The following PDCL variants were observed in gnomAD, a reference collection of about 807,000 sequenced individuals.
PDCL encodes phosducin-like protein.
In PDCL, 11 loss-of-function variants were observed where a neutral mutation model predicts 26.7. That is an observed-to-expected ratio of 0.41 (90% CI 0.26 to 0.68). The LOEUF is 0.68. Ranked by LOEUF, PDCL falls within the 30% of genes least tolerant of loss-of-function variation. The probability of loss-of-function intolerance (pLI) is 0.30; values close to 1 mark genes in which losing one functional copy is unlikely to be tolerated. For missense variants in PDCL, 330 were observed against 371.6 expected (o/e 0.89, Z 0.92); for synonymous variants, 118 against 134.9 (o/e 0.87, Z 0.87).
Position 122,820,025 on chromosome 9 carries a change from T to C in PDCL, c.*60A>G, listed in dbSNP as rs1829531717. The C allele has an allele frequency of 7.2e-7, 1 of 1,389,244 alleles. No individual in the cohort carries two copies. Among genetic ancestry groups the C allele is most frequent in the Non-Finnish European group, 9.8e-7 (1 of 1,020,690 alleles). 86.1% of individuals were successfully genotyped at this position (1,389,244 alleles called of 1,614,324 possible). On this transcript the variant is annotated 3_prime_UTR_variant, in exon 4 of 4. Transcript: ENST00000259467. The stretch of plus-strand genomic sequence containing the variant: ...AAGCCAGAAGACAAAGGAACAAAAA[T>C]AAACAATGACGTGTATTCCAACCCA...
chr9:122,820,093 T>C lies in PDCL; in HGVS notation c.898A>G (p.Ile300Val). Reference protein sequence around the residue: ...TCHSEDSDLEID With the variant: ...TCHSEDSDLEVD ...GCAACTAGACTATCAGTTCAATCTA[T>C]TTCCAGGTCGCTATCCTCACTGTGA... Residue 300 changes from isoleucine to valine, a missense_variant, in exon 4 of 4, where the codon ATA (isoleucine) becomes GTA (valine). By Grantham distance (29) the Ile-to-Val change is conservative (BLOSUM62 3). Coordinates refer to ENST00000259467, the MANE Select transcript of PDCL (RefSeq NM_005388.5). 1.2e-6 allele frequency: 2 copies of C among 1,600,644 alleles called. No homozygotes were observed. Among genetic ancestry groups the C allele is most frequent in the South Asian group, 1.1e-5 (1 of 89,062 alleles).
rs1175407364 is a variant in PDCL at position 122,826,738 on chromosome 9, T to C, written c.50A>G (p.Tyr17Cys). Residue 17 changes from tyrosine to cysteine, a missense_variant, in exon 2 of 4, where the codon TAT becomes TGT. Physicochemically the swap from Tyr to Cys is radical, Grantham distance 194. Coordinates refer to ENST00000259467, the MANE Select transcript of PDCL (RefSeq NM_005388.5). ...KLLGEKLQYY[Y>C]SSSEDEDSDH... ...ACTGTCCTCATCCTCACTGCTGCTA[T>C]AGTAGTACTGCAGTTTCTCCCCCAG... The C allele has an allele frequency of 4.3e-6, 7 of 1,614,112 alleles. No homozygotes were observed. In the South Asian group the frequency reaches 5.5e-5, roughly 13 times the overall value.
intron 3 of PDCL, 145 bp from the exon 4 acceptor site, chr9:122,820,781 C>G (rs1297736692): frequency 4.0e-6 from 2 of 494,686 alleles, no homozygotes; most frequent in Non-Finnish European, 3.6e-6. Flanking sequence ...GTCAGGAGTT[C>G]AAGACCAGCC....
At position 122,822,390 on chromosome 9, in the gene PDCL, A is replaced by T. The variant is rs76909132; in HGVS notation, c.354+626T>A. Among the ~76,000 whole-genome samples, 6 of 129,256 alleles carry T rather than the reference A, an allele frequency of 4.6e-5. 1 individual carries two copies. The South Asian group carries it at 7.0e-4, about 15-fold the overall frequency. The allele number at this position is 129,256 out of a possible 152,430, so 84.8% of individuals were successfully genotyped here. A position where few individuals can be genotyped will look rare whatever the true frequency, so the allele number is the denominator to read the frequency against. On this transcript the variant is annotated intron_variant, in intron 3 of 3. Coordinates refer to ENST00000259467, the MANE Select transcript of PDCL (RefSeq NM_005388.5). ...GGGCAACATAGACCCTGTCTCTATT[A>T]AAAAAAAAAAAAAAAAGGCCATCAG...
In PDCL at chr9:122,820,485, C is replaced by T. The variant is rs750846814; in HGVS notation, c.506G>A (p.Gly169Glu). Residue 169 changes from glycine to glutamate, a missense_variant, in exon 4 of 4, where the codon GGG (glycine) becomes GAG (glutamate). Coordinates refer to ENST00000259467, the MANE Select transcript of PDCL (RefSeq NM_005388.5). ...TTCTTTATCAATCATGTCTAAAAAC[C>T]CTTCTCCACTGGAGATCTCAAAAAC... ...KQVFEISSGEGFLDMIDKEQK... is the reference protein window; with the variant it reads ...KQVFEISSGEEFLDMIDKEQK... The T allele has an allele frequency of 1.9e-6, 3 of 1,614,068 alleles. No individual in the cohort carries two copies. The highest frequency in any genetic ancestry group is 2.2e-5 in the East Asian group (1 of 44,886).
chr9:122,824,036 C>T (rs1255905569), intron 2 of PDCL, among the ~76,000 whole-genome samples: 5 of 152,274 alleles, frequency 3.3e-5, no homozygotes, highest in African/African-American at 9.6e-5. Flanking sequence ...TCCCAAAGTG[C>T]TATGGGATGA....
chr9:122,821,626 C>A (rs552830426), intron 3 of PDCL, among the ~76,000 whole-genome samples: 1 of 152,066 alleles, frequency 6.6e-6, no homozygotes, highest in African/African-American at 2.4e-5. Context: ...AATCACTTCC[C>A]TAATTCTGCC....
At chr9:122,824,160 T>C (rs1210708151) in intron 2 of PDCL, among the ~76,000 whole-genome samples, 1 of 152,226 alleles carries the variant, frequency 6.6e-6, no homozygotes, top group Non-Finnish European at 1.5e-5. Flanking sequence ...TCAAGCCCTG[T>C]GCTGCCGAAG....
At position 122,826,661 on chromosome 9, in the gene PDCL, G is replaced by C. The variant is rs150213570; in HGVS notation, c.127C>G (p.Pro43Ala). The change falls in exon 2 of 4, where the codon CCT (proline) becomes GCT (alanine). Residue 43 changes from proline (P) to alanine (A), a missense_variant. Pro to Ala is a conservative substitution (Grantham distance 27, BLOSUM62 -1). Transcript: ENST00000259467. ...TCGCCTGCCAGCTCAGCCTCTGCAGGCACAGAACTGCTGGCTGGGGCACAT... is the reference window on the plus strand; with the variant it reads ...TCGCCTGCCAGCTCAGCCTCTGCAGCCACAGAACTGCTGGCTGGGGCACAT... The part of the protein sequence containing the change: ...GRCAPASSSV[P>A]AEAELAGEGI... 935 of 1,614,108 alleles carry C rather than the reference G, an allele frequency of 5.8e-4. 5 individuals are homozygous for C. The Admixed American group carries it at 0.012, about 20-fold the overall frequency.
chr9:122,827,700 C>T (rs1436629490), intron 1 of PDCL, among the ~76,000 whole-genome samples: 1 of 152,034 alleles, frequency 6.6e-6, no homozygotes, highest in Non-Finnish European at 1.5e-5. Flanking sequence ...CCACTGCACT[C>T]CAGCCTGGGA....
At position 122,819,120 on chromosome 9, in the gene PDCL, T is replaced by C. The variant is rs1829521862; in HGVS notation, c.*965A>G. On this transcript the variant is annotated 3_prime_UTR_variant, in exon 4 of 4. Transcript: ENST00000259467. ...TCGTTTTGTTTAAAAACAAACAAAA[T>C]ATCCATGTATACACAGAAAACACCT... 1 of 152,088 alleles carries C rather than the reference T, an allele frequency of 6.6e-6. No individual in the cohort carries two copies. Among genetic ancestry groups the C allele is most frequent in the Non-Finnish European group, 1.5e-5 (1 of 67,982 alleles). 9.4% of individuals were successfully genotyped at this position (152,088 alleles called of 1,614,324 possible). A position where few individuals can be genotyped will look rare whatever the true frequency, so the allele number is the denominator to read the frequency against.
At chr9:122,825,408 C>A (rs762640461) in intron 2 of PDCL, among the ~76,000 whole-genome samples, 8 of 152,166 alleles carry the variant, frequency 5.3e-5, no homozygotes, top group Non-Finnish European at 7.3e-5. Context: ...GCAGTCCACC[C>A]GCCTCAACCT....
In PDCL at chr9:122,826,604, G is replaced by T; in HGVS notation, c.172+12C>A. The stretch of plus-strand genomic sequence containing the variant: ...TTTAAGCCTGTTCCCAGAGCCCAGG[G>T]TTTCTCAGTACCTGTGTTAACTGAG... On this transcript the variant is annotated intron_variant, in intron 2 of 3. Transcript: ENST00000259467. 6.2e-7 allele frequency: 1 copy of T among 1,610,206 alleles called. No homozygotes were observed. The highest frequency in any genetic ancestry group is 8.5e-7 in the Non-Finnish European group (1 of 1,177,910).
chr9:122,820,074 A>G lies in PDCL; in HGVS notation c.*11T>C, dbSNP rs1225054234. ...CAAACAATGAGAAATCTATGCAACT[A>G]GACTATCAGTTCAATCTATTTCCAG... is the stretch of plus-strand genomic sequence containing the variant. On this transcript the variant is annotated 3_prime_UTR_variant, in exon 4 of 4. Transcript: ENST00000259467. The G allele has an allele frequency of 3.2e-6, 5 of 1,573,144 alleles. No homozygotes were observed. The highest frequency in any genetic ancestry group is 2.6e-6 in the Non-Finnish European group (3 of 1,159,730).
chr9:122,820,343 C>T lies in PDCL; in HGVS notation c.648G>A (p.Lys216=), dbSNP rs758668650. 18 of 1,614,196 alleles carry T rather than the reference C, an allele frequency of 1.1e-5. No homozygotes were observed. Among genetic ancestry groups the T allele is most frequent in the Non-Finnish European group, 1.5e-5 (18 of 1,180,036 alleles). The part of the protein sequence containing the change: ...AAEYPAVKFC[K]VKSSVIGASS... ...TGGCGCCAATAACTGAGCTCTTCAC[C>T]TTGCAGAACTTGACAGCTGGGTACT... is the stretch of plus-strand genomic sequence containing the variant. Residue 216 remains lysine, a synonymous_variant, in exon 4 of 4, where the codon AAG becomes AAA. Transcript: ENST00000259467.
At chr9:122,821,498 G>A (rs1351473098) in intron 3 of PDCL, among the ~76,000 whole-genome samples, 1 of 152,120 alleles carries the variant, frequency 6.6e-6, no homozygotes, top group Non-Finnish European at 1.5e-5. Flanking sequence ...TTTTATAGCA[G>A]CAGCTGTGGG....
At chr9:122,821,145 T>C (rs1829550454) in intron 3 of PDCL, among the ~76,000 whole-genome samples, 1 of 152,136 alleles carries the variant, frequency 6.6e-6, no homozygotes, top group Admixed American at 6.5e-5. Flanking sequence ...ACTTTATAAA[T>C]GAGGTTCCAA....
chr9:122,821,929 C>T (rs1052525303), intron 3 of PDCL, among the ~76,000 whole-genome samples: 2 of 152,032 alleles, frequency 1.3e-5, no homozygotes, highest in East Asian at 1.9e-4. Flanking sequence ...GATCAGAACA[C>T]GTTGTTACTT....
chr9:122,820,760 G>C, intron 3 of PDCL, 124 bp from the exon 4 acceptor site: 2 of 716,480 alleles, frequency 2.8e-6, no homozygotes. Flanking sequence ...GAGACGAGCG[G>C]ATCACTTGAG....
Sources: gnomAD v4.1 joint callset for allele counts (sites outside exome capture counted in the v4.1 genomes callset) on GRCh38, gnomAD v4.1.1 for gene constraint, MANE v1.5 for transcripts, NCBI Gene and HGNC (gene_info 2026-07-23, HGNC 2026-07-21) for gene names.